SDR42E2: variants seen among roughly 807,000 people sequenced by gnomAD.
SDR42E2 encodes the protein putative short-chain dehydrogenase/reductase family 42E member 2.
SDR42E2 carries 20 observed loss-of-function variants against 10.5 expected under a neutral mutation model. The observed-to-expected ratio is 1.90, with a 90% CI of 1.34 to 2.77. SDR42E2 has a LOEUF of 2.77. SDR42E2 is among the 30% of genes most tolerant of loss of function. The pLI is 0.00. For missense variants in SDR42E2, 162 were observed against 104.2 expected (o/e 1.55, Z -2.42); for synonymous variants, 72 against 39.2 (o/e 1.84, Z -3.12).
intron 11 of SDR42E2, 26 bp downstream of exon 11, chr16:22,184,270 A>G (rs2046719974): frequency 1.0e-5 from 4 of 401,140 alleles, no homozygotes; most frequent in Non-Finnish European, 1.8e-5. Flanking sequence ...TGCGTAGTAA[A>G]GCCCTCCATG....
chr16:22,183,225 C>T (rs59136702), intron 10 of SDR42E2, among the ~76,000 whole-genome samples: 4 of 152,202 alleles, frequency 2.6e-5, no homozygotes, highest in East Asian at 3.9e-4. Flanking sequence ...TGGGTTCAAG[C>T]GATTCTCCTG....
At chr16:22,166,466 G>A (rs1306026391) in intron 3 of SDR42E2, 32 bp downstream of exon 3, 4 of 402,590 alleles carry the variant, frequency 9.9e-6, no homozygotes, top group Non-Finnish European at 1.8e-5. Context: ...ATAGACTGGG[G>A]CAGTGGTGAT....
intron 4 of SDR42E2, 27 bp from the exon 5 acceptor site, chr16:22,169,418 G>A (rs2142062433): frequency 1.4e-6 from 1 of 703,362 alleles, no homozygotes; most frequent in East Asian, 2.7e-5. Context: ...GTAGCACCAT[G>A]ACTTTCTCAC....
chr16:22,178,053 A>G, intron 7 of SDR42E2, 77 bp from the exon 8 acceptor site: 1 of 668,322 alleles, frequency 1.5e-6, no homozygotes. Context: ...GCACCAACAG[A>G]TGGAGGTGGC....
intron 8 of SDR42E2, among the ~76,000 whole-genome samples, chr16:22,178,772 A>G (rs1403965887): frequency 6.6e-6 from 1 of 152,188 alleles, no homozygotes; most frequent in Non-Finnish European, 1.5e-5. Context: ...GAAAAAAGAA[A>G]AAGGAATTAA....
At chr16:22,185,097 G>A (rs757241571) in intron 11 of SDR42E2, among the ~76,000 whole-genome samples, 3 of 152,060 alleles carry the variant, frequency 2.0e-5, no homozygotes, top group African/African-American at 2.4e-5. Context: ...GTCAGTCTCT[G>A]CTCCCACCTC....
At chr16:22,174,841 C>G (rs1199449865) in intron 7 of SDR42E2, among the ~76,000 whole-genome samples, 1 of 152,100 alleles carries the variant, frequency 6.6e-6, no homozygotes, top group Non-Finnish European at 1.5e-5. Flanking sequence ...TCAGCTGCAA[C>G]CCGACCTCCC....
chr16:22,184,964 G>C (rs1382960912), intron 11 of SDR42E2, among the ~76,000 whole-genome samples: 1 of 152,134 alleles, frequency 6.6e-6, no homozygotes, highest in Non-Finnish European at 1.5e-5. Flanking sequence ...GAGGTCTCAT[G>C]CCAGTCAGGA....
chr16:22,182,168 G>T (rs2046700744), intron 9 of SDR42E2, 44 bp from the exon 10 acceptor site: 1 of 407,522 alleles, frequency 2.5e-6, no homozygotes, highest in Non-Finnish European at 4.3e-6. Flanking sequence ...GGGGCAGGCT[G>T]CTGGGGAGAA....
At chr16:22,189,671 G>A (rs947325478) in intron 12 of SDR42E2, among the ~76,000 whole-genome samples, 1 of 152,196 alleles carries the variant, frequency 6.6e-6, no homozygotes, top group African/African-American at 2.4e-5. Context: ...GGGCATGAAG[G>A]CTGCGACTGG....
chr16:22,181,210 C>T (rs1380554813), intron 8 of SDR42E2, among the ~76,000 whole-genome samples: 2 of 151,954 alleles, frequency 1.3e-5, no homozygotes, highest in Non-Finnish European at 1.5e-5. Context: ...TTGGACATGG[C>T]GTTTAAGACA....
At chr16:22,183,917 A>G (rs1487612032) in intron 10 of SDR42E2, among the ~76,000 whole-genome samples, 1 of 146,844 alleles carries the variant, frequency 6.8e-6, no homozygotes, top group Admixed American at 6.8e-5. Flanking sequence ...CAACACATCA[A>G]GACCCCTGAT....
intron 8 of SDR42E2, among the ~76,000 whole-genome samples, chr16:22,180,585 C>T (rs565892478): frequency 6.6e-5 from 10 of 152,010 alleles, no homozygotes; most frequent in Non-Finnish European, 1.3e-4. Context: ...CATCTATAGT[C>T]CCAGCTACTC....
chr16:22,177,656 A>G (rs529137970), intron 7 of SDR42E2, among the ~76,000 whole-genome samples: 6 of 151,914 alleles, frequency 3.9e-5, no homozygotes, highest in Non-Finnish European at 8.8e-5. Context: ...AAAGAAAAAG[A>G]AAAAGGAAAA....
At chr16:22,174,854 C>A (rs564814350) in intron 7 of SDR42E2, among the ~76,000 whole-genome samples, 2 of 152,256 alleles carry the variant, frequency 1.3e-5, no homozygotes, top group Admixed American at 6.5e-5. Flanking sequence ...GACCTCCCCC[C>A]ACTATGCCCA....
intron 7 of SDR42E2, among the ~76,000 whole-genome samples, chr16:22,175,607 G>A (rs2046638706): frequency 6.6e-6 from 1 of 150,434 alleles, no homozygotes; most frequent in Non-Finnish European, 1.5e-5. Flanking sequence ...GCTTGAGCCT[G>A]GGAGGTTGAG....
chr16:22,189,788 T>C (rs2046758299), intron 12 of SDR42E2, among the ~76,000 whole-genome samples: 1 of 152,136 alleles, frequency 6.6e-6, no homozygotes, highest in Non-Finnish European at 1.5e-5. Flanking sequence ...TGCCTAAGAA[T>C]GTATCAAGGG....
At chr16:22,163,043 T>C (rs560224799) in intron 1 of SDR42E2, among the ~76,000 whole-genome samples, 3 of 152,184 alleles carry the variant, frequency 2.0e-5, no homozygotes, top group Admixed American at 1.3e-4. Context: ...GAAATCCTCC[T>C]GGAGCTTTGC....
chr16:22,178,008 C>G (rs1375155954), intron 7 of SDR42E2, 122 bp from the exon 8 acceptor site: 2 of 591,920 alleles, frequency 3.4e-6, no homozygotes, highest in Non-Finnish European at 3.0e-6. Flanking sequence ...GAGGAAGCCC[C>G]TGGGCCGGTC....
Sources: allele counts gnomAD v4.1 joint callset (sites outside exome capture counted in the v4.1 genomes callset), GRCh38; gene constraint gnomAD v4.1.1; transcripts MANE v1.5; gene names NCBI Gene and HGNC (gene_info 2026-07-23, HGNC 2026-07-21).